Variants in TCF4 observed in about 807,000 individuals in gnomAD.
The protein encoded by TCF4 is SL3-3 enhancer factor 2.
TCF4 carries 3 observed loss-of-function variants against 82.1 expected under a neutral mutation model. The ratio of observed to expected loss-of-function variants is 0.04; its 90% CI spans 0.02 to 0.09. The LOEUF (loss-of-function observed/expected upper bound fraction) is 0.09. Among genes scored for constraint, TCF4 ranks in the 10% least tolerant of loss-of-function variants. The probability of loss-of-function intolerance (pLI) is 1.00; values close to 1 mark genes in which losing one functional copy is unlikely to be tolerated. For synonymous variants in TCF4, 276 were observed against 309.6 expected (o/e 0.89, Z 1.14); for missense variants, 518 against 852.7 (o/e 0.61, Z 4.89).
At chr18:55,475,121 C>A (rs2096264308) in intron 3 of TCF4, among the ~76,000 whole-genome samples, 1 of 152,124 alleles carries the variant, frequency 6.6e-6, no homozygotes, top group Non-Finnish European at 1.5e-5. Context: ...AATCCATATT[C>A]CAATAGGGAA....
chr18:55,334,653 A>G (rs1001226615), intron 8 of TCF4, among the ~76,000 whole-genome samples: 1 of 152,214 alleles, frequency 6.6e-6, no homozygotes, highest in Non-Finnish European at 1.5e-5. Flanking sequence ...AAGTGATACC[A>G]GTAATTTGGG....
At chr18:55,442,474 T>C (rs1038339997) in intron 5 of TCF4, among the ~76,000 whole-genome samples, 4 of 152,140 alleles carry the variant, frequency 2.6e-5, no homozygotes, top group African/African-American at 9.7e-5. Flanking sequence ...TTTATTTTAT[T>C]TTCAAAAAGG....
chr18:55,339,453 G>A (rs1239217686), intron 8 of TCF4, among the ~76,000 whole-genome samples: 1 of 152,194 alleles, frequency 6.6e-6, no homozygotes, highest in Non-Finnish European at 1.5e-5. Context: ...GACTACAAAT[G>A]AGGGGTGGCT....
chr18:55,415,900 T>C (rs963037021), intron 5 of TCF4, among the ~76,000 whole-genome samples: 14 of 152,254 alleles, frequency 9.2e-5, no homozygotes, highest in Admixed American at 1.3e-4. Context: ...TTAGTGTATG[T>C]ATATTTCTGT....
intron 5 of TCF4, among the ~76,000 whole-genome samples, chr18:55,455,493 G>A (rs1042246980): frequency 6.8e-6 from 1 of 147,166 alleles, no homozygotes; most frequent in Non-Finnish European, 1.5e-5. Context: ...CTTAAGAGTT[G>A]ATGTCGAGAT....
chr18:55,614,019 CT>C (rs1568493924), intron 2 of TCF4, among the ~76,000 whole-genome samples: 2 of 152,326 alleles, frequency 1.3e-5, no homozygotes, highest in South Asian at 4.1e-4. Context: ...AAGTAATCCT[CT>C]GGTCTTAGCC....
At chr18:55,232,031 A>G (rs1169922876) in intron 17 of TCF4, 1 of 152,946 alleles carries the variant, frequency 6.5e-6, no homozygotes, top group Non-Finnish European at 1.5e-5. Context: ...GTCCAGGAAG[A>G]AAAACCATAA....
intron 8 of TCF4, among the ~76,000 whole-genome samples, chr18:55,350,042 A>G (rs1202402230): frequency 6.6e-6 from 1 of 152,180 alleles, no homozygotes; most frequent in Non-Finnish European, 1.5e-5. Context: ...GAATTTAACC[A>G]ACACATGAAA....
At chr18:55,534,440 T>C (rs1210099773) in intron 3 of TCF4, among the ~76,000 whole-genome samples, 1 of 152,156 alleles carries the variant, frequency 6.6e-6, no homozygotes, top group Non-Finnish European at 1.5e-5. Context: ...AAGTGAGGGA[T>C]GGTAGACTTG....
At chr18:55,443,582 T>C (rs1470111084) in intron 5 of TCF4, among the ~76,000 whole-genome samples, 1 of 152,182 alleles carries the variant, frequency 6.6e-6, no homozygotes, top group Non-Finnish European at 1.5e-5. Flanking sequence ...CCCAACAAGG[T>C]AGCCAGTTAA....
intron 8 of TCF4, among the ~76,000 whole-genome samples, chr18:55,325,715 GTCTT>G (rs1363894000): frequency 6.6e-6 from 1 of 152,236 alleles, no homozygotes; most frequent in Admixed American, 6.5e-5. Flanking sequence ...TGTTGTTGTT[GTCTT>G]TCTTTTTTTC....
intron 3 of TCF4, among the ~76,000 whole-genome samples, chr18:55,524,520 CAAG>C (rs971869160): frequency 6.6e-6 from 1 of 152,056 alleles, no homozygotes; most frequent in Non-Finnish European, 1.5e-5. Context: ...CTTTCATGGT[CAAG>C]AAGACCATGA....
intron 5 of TCF4, among the ~76,000 whole-genome samples, chr18:55,442,871 T>G (rs2095464441): frequency 6.6e-6 from 1 of 152,244 alleles, no homozygotes; most frequent in African/African-American, 2.4e-5. Context: ...TCTGCACCCT[T>G]CTGCAGCTCT....
chr18:55,286,793 C>CT (rs2063786479), intron 8 of TCF4, among the ~76,000 whole-genome samples: 1 of 152,174 alleles, frequency 6.6e-6, no homozygotes, highest in Non-Finnish European at 1.5e-5. Flanking sequence ...AAGAAGAATC[C>CT]TCCTTCACGT....
intron 2 of TCF4, among the ~76,000 whole-genome samples, chr18:55,628,806 T>C (rs546123094): frequency 5.6e-4 from 86 of 152,312 alleles, no homozygotes; most frequent in African/African-American, 2.0e-3. Context: ...ACTCATCTGG[T>C]TTAAGATAGC....
Position 55,228,313 on chromosome 18 carries a change from T to G in TCF4, c.1928A>C (p.Glu643Ala). The G allele has an allele frequency of 6.2e-7, 1 of 1,614,198 alleles. No individual in the cohort carries two copies. Among genetic ancestry groups the G allele is most frequent in the Non-Finnish European group, 8.5e-7 (1 of 1,180,022 alleles). ...AGGGGGAGGCTCTGAGGACACCTTC[T>G]CTTCCTCCCTTCTTTTCAGACACGC... ...KAACLKRREE[E>A]KVSSEPPPLS... Residue 643 changes from glutamate to alanine, a missense_variant, in exon 19 of 20, where the codon GAG becomes GCG. By Grantham distance (107) the Glu-to-Ala change is moderately radical. Around this residue, in one of 7 missense-constraint regions of TCF4, gnomAD observed 40 missense variants for 41.5 expected, o/e 0.96. Coordinates refer to ENST00000354452, the MANE Select transcript of TCF4 (RefSeq NM_001083962.2).
Position 55,250,125 on chromosome 18 carries a change from T to C in TCF4, c.1350+4372A>G, listed in dbSNP as rs74846024. ...CTCCCACATTCAGAGATTTCTGCTTTAATTTTGGAAGAAAAGTGGGTGGTT... is the reference window on the plus strand; with the variant it reads ...CTCCCACATTCAGAGATTTCTGCTTCAATTTTGGAAGAAAAGTGGGTGGTT... On this transcript the variant is annotated intron_variant, in intron 15 of 19. Coordinates refer to ENST00000354452, the MANE Select transcript of TCF4 (RefSeq NM_001083962.2). Among the ~76,000 whole-genome samples, 405 of 152,308 alleles carry C rather than the reference T, an allele frequency of 2.7e-3. 7 individuals carry two copies. The highest frequency in any genetic ancestry group is 9.5e-3 in the African/African-American group (393 of 41,558).
chr18:55,585,524 C>T, intron 2 of TCF4, 172 bp from the exon 3 acceptor site: 2 of 688,204 alleles, frequency 2.9e-6, no homozygotes, highest in Non-Finnish European at 4.9e-6. Flanking sequence ...ATTACAGATC[C>T]CACCCCAGCC....
chr18:55,266,514 TA>T (rs1335965708), intron 11 of TCF4: 15 of 152,108 alleles, frequency 9.9e-5, no homozygotes, highest in Non-Finnish European at 1.5e-5. Context: ...GAGGGCTAAT[TA>T]GATGACCTTT....
Sources: allele counts gnomAD v4.1 joint callset (sites outside exome capture counted in the v4.1 genomes callset), GRCh38; gene constraint gnomAD v4.1.1; regional missense constraint gnomAD v4.1.1; transcripts MANE v1.5; gene names NCBI Gene and HGNC (gene_info 2026-07-23, HGNC 2026-07-21).